The following OCA2 variants were observed in gnomAD, a reference collection of about 807,000 sequenced individuals.
The protein encoded by OCA2 is OCA2 melanosomal transmembrane protein.
A neutral mutation model predicts 100.2 loss-of-function variants in OCA2; 77 were observed. The observed-to-expected ratio is 0.77, with a 90% CI of 0.64 to 0.93. The LOEUF is 0.93. Among genes scored for constraint, OCA2 ranks in the 40% least tolerant of loss-of-function variants. The pLI is 0.00. For synonymous variants in OCA2, 432 were observed against 439.2 expected, an observed-to-expected ratio of 0.98 and a Z score of 0.21; for missense variants, 1,062 against 1,089.1, an observed-to-expected ratio of 0.98 and a Z score of 0.35.
At chr15:27,981,379 T>C (rs1381541161) in intron 14 of OCA2, among the ~76,000 whole-genome samples, 3 of 152,228 alleles carry the variant, frequency 2.0e-5, no homozygotes, top group African/African-American at 7.2e-5. Flanking sequence ...AATCAGTGAT[T>C]GGTTGCCAGA....
chr15:27,826,043 G>A (rs1317627833), intron 23 of OCA2, among the ~76,000 whole-genome samples: 1 of 152,168 alleles, frequency 6.6e-6, no homozygotes, highest in Non-Finnish European at 1.5e-5. Flanking sequence ...CTAGAACTGA[G>A]CAAGTAAATA....
chr15:27,966,660 G>A, intron 15 of OCA2, 30 bp downstream of exon 15: 1 of 1,611,948 alleles, frequency 6.2e-7, no homozygotes, highest in Non-Finnish European at 8.5e-7. Context: ...CATGAAATCT[G>A]AGCCTACATG....
chr15:28,029,729 A>C (rs1230495839), intron 3 of OCA2, among the ~76,000 whole-genome samples: 1 of 146,794 alleles, frequency 6.8e-6, no homozygotes, highest in Non-Finnish European at 1.5e-5. Context: ...ACTTCTGAAA[A>C]TATATAAATC....
At chr15:28,053,216 T>G (rs2043572253) in intron 2 of OCA2, among the ~76,000 whole-genome samples, 1 of 151,940 alleles carries the variant, frequency 6.6e-6, no homozygotes, top group Non-Finnish European at 1.5e-5. Context: ...CATTGGTACC[T>G]TTCCTTGGCA....
intron 15 of OCA2, among the ~76,000 whole-genome samples, chr15:27,964,597 G>A (rs940202868): frequency 1.3e-5 from 2 of 152,124 alleles, no homozygotes; most frequent in African/African-American, 2.4e-5. Flanking sequence ...GGGAGGGGGC[G>A]GGGGGTACAA....
chr15:27,787,984 T>C (rs1271704646), intron 23 of OCA2, among the ~76,000 whole-genome samples: 2 of 152,058 alleles, frequency 1.3e-5, no homozygotes, highest in African/African-American at 4.8e-5. Flanking sequence ...TTTTGACTCA[T>C]AGGTTATTTA....
intron 23 of OCA2, among the ~76,000 whole-genome samples, chr15:27,801,537 T>C (rs886353186): frequency 1.9e-4 from 21 of 110,680 alleles, no homozygotes; most frequent in South Asian, 1.6e-3. Context: ...GGCGACAGAG[T>C]GAGACTCGGT....
chr15:27,806,604 G>A (rs992249927), intron 23 of OCA2, among the ~76,000 whole-genome samples: 8 of 152,254 alleles, frequency 5.3e-5, no homozygotes, highest in African/African-American at 1.7e-4. Flanking sequence ...GCTTCCCGCC[G>A]TCCGCTGTGC....
rs190145075 is a variant in OCA2, at chr15:27,895,904, C to T, written c.2080-23982G>A. On this transcript the variant is annotated intron_variant, in intron 19 of 23. Coordinates refer to ENST00000354638, the MANE Select transcript of OCA2 (RefSeq NM_000275.3). ...TATTATTTATCAGGTTGCTTATGCC[C>T]GTACAGAAGGGGATATGATAGTACG... 169 of 599,636 alleles carry T rather than the reference C, an allele frequency of 2.8e-4. 1 individual carries two copies. Among genetic ancestry groups the T allele is most frequent in the Admixed American group, 4.0e-4 (18 of 44,990 alleles). The allele number at this position is 599,636 out of a possible 1,614,324, so 37.1% of individuals were successfully genotyped here.
intron 23 of OCA2, among the ~76,000 whole-genome samples, chr15:27,777,644 A>G (rs2032312069): frequency 1.3e-5 from 2 of 152,204 alleles, no homozygotes; most frequent in Admixed American, 1.3e-4. Flanking sequence ...CAGAGTACAC[A>G]ATATTCTTTA....
the OCA2 span, among the ~76,000 whole-genome samples, chr15:27,738,211 A>C: frequency 6.6e-6 from 1 of 152,330 alleles, no homozygotes; most frequent in African/African-American, 2.4e-5. Flanking sequence ...ATGCACAAGA[A>C]TGTTCCTAGC....
intron 23 of OCA2, among the ~76,000 whole-genome samples, chr15:27,844,287 C>T (rs1235572028): frequency 2.6e-5 from 4 of 152,188 alleles, no homozygotes; most frequent in Admixed American, 1.3e-4. Flanking sequence ...GCCCCCATTC[C>T]GCCACCCTGG....
At chr15:28,032,572 T>C (rs2042936672) in intron 2 of OCA2, among the ~76,000 whole-genome samples, 1 of 151,136 alleles carries the variant, frequency 6.6e-6, no homozygotes, top group African/African-American at 2.4e-5. Context: ...AACCACAAGG[T>C]CAGGAGTTCA....
Position 27,871,073 on chromosome 15 carries a change from T to G in OCA2, c.2244+81A>C, listed in dbSNP as rs1337402671. 2.9e-6 allele frequency: 3 copies of G among 1,049,634 alleles called. No individual in the cohort carries two copies. The African/African-American group carries it at 4.7e-5, about 16-fold the overall frequency. 65.0% of individuals were successfully genotyped at this position (1,049,634 alleles called of 1,614,324 possible). A position where few individuals can be genotyped will look rare whatever the true frequency, so the allele number is the denominator to read the frequency against. ...CAGCAGAGGGGCAGGCTTCATCCTC[T>G]GCTGCCTTAGGAAGGGAGGGTGAGC... On this transcript the variant is annotated intron_variant, in intron 21 of 23. Transcript: ENST00000354638.
intron 23 of OCA2, among the ~76,000 whole-genome samples, chr15:27,839,999 C>CA (rs1300684753): frequency 1.3e-5 from 2 of 152,032 alleles, no homozygotes; most frequent in Admixed American, 6.5e-5. Context: ...AGGAAAGCCA[C>CA]ACTGAAAATA....
intron 9 of OCA2, among the ~76,000 whole-genome samples, chr15:27,996,471 GA>G (rs1465407506): frequency 2.6e-5 from 4 of 151,364 alleles, no homozygotes; most frequent in Admixed American, 2.6e-4. Context: ...TTGACAGAAG[GA>G]AAAAAATATT....
chr15:27,860,154 G>C (rs1483331665), intron 21 of OCA2, among the ~76,000 whole-genome samples: 7 of 152,180 alleles, frequency 4.6e-5, no homozygotes, highest in Admixed American at 3.3e-4. Context: ...CAAAAAGGGA[G>C]ACAGGGAGGA....
intron 1 of OCA2, among the ~76,000 whole-genome samples, chr15:28,093,553 T>A (rs1377077430): frequency 6.6e-6 from 1 of 151,828 alleles, no homozygotes; most frequent in African/African-American, 2.4e-5. Context: ...TTGACAGTTT[T>A]TAAAAAAAAA....
chr15:28,015,045 A>C, intron 8 of OCA2, 116 bp from the exon 9 acceptor site: 1 of 1,086,376 alleles, frequency 9.2e-7, no homozygotes, highest in Non-Finnish European at 1.4e-6. Flanking sequence ...CCAACGCCCA[A>C]TCTCACAGCT....
Sources: gnomAD v4.1 joint callset for allele counts (sites outside exome capture counted in the v4.1 genomes callset) on GRCh38, gnomAD v4.1.1 for gene constraint, MANE v1.5 for transcripts, NCBI Gene and HGNC (gene_info 2026-07-23, HGNC 2026-07-21) for gene names.